Variants in ATCAY observed in about 807,000 individuals in gnomAD.
ATCAY encodes caytaxin.
A neutral mutation model predicts 47.7 loss-of-function variants in ATCAY; 22 were observed. The ratio of observed to expected loss-of-function variants is 0.46; its 90% CI spans 0.33 to 0.66. The LOEUF is 0.66. Among genes scored for constraint, ATCAY ranks in the 30% least tolerant of loss-of-function variants. The pLI, the probability that ATCAY is intolerant of heterozygous loss-of-function variation, is 0.02. For synonymous variants in ATCAY, 216 were observed against 207.6 expected, an observed-to-expected ratio of 1.04 and a Z score of -0.35; for missense variants, 452 against 515.0, an observed-to-expected ratio of 0.88 and a Z score of 1.18.
Position 3,905,615 on chromosome 19 carries a change from G to A in ATCAY, c.318G>A (p.Ser106=), listed in dbSNP as rs780287970. The change falls in exon 4 of 13, where the codon TCG becomes TCA. Residue 106 remains serine (S), a synonymous_variant. Transcript: ENST00000450849. ...DDIETPDETD[S]LEFLGNGNEL... ...TCGAGACCCCCGATGAGACCGACTC[G>A]CTGGAGTTCCTGGGGAATGGCAACG... is the stretch of plus-strand genomic sequence containing the variant. 1.7e-5 allele frequency: 28 copies of A among 1,613,480 alleles called. No individual in the cohort carries two copies. Among genetic ancestry groups the A allele is most frequent in the Middle Eastern group, 1.6e-4 (1 of 6,080 alleles).
chr19:3,886,977 C>T (rs953452277), intron 2 of ATCAY, among the ~76,000 whole-genome samples: 9 of 152,010 alleles, frequency 5.9e-5, no homozygotes, highest in African/African-American at 1.2e-4. Context: ...CCACCGCGCC[C>T]GGCCCCTACG....
intron 12 of ATCAY, among the ~76,000 whole-genome samples, chr19:3,923,957 T>C (rs1349604274): frequency 2.0e-5 from 2 of 99,090 alleles, no homozygotes; most frequent in Non-Finnish European, 4.1e-5. Flanking sequence ...GCTAGATGGA[T>C]GAGTGGGTGG....
rs971227382 is a variant in ATCAY, at chr19:3,908,175, C to T, written c.545-93C>T. ...TGGCTCGGAGCCATGCCCTCCCGAG[C>T]GTGTGGGCACCGGGACGTGGTGGGT... On this transcript the variant is annotated intron_variant, in intron 5 of 12. Coordinates refer to ENST00000450849, the MANE Select transcript of ATCAY (RefSeq NM_033064.5). 17 of 1,172,484 alleles carry T rather than the reference C, an allele frequency of 1.4e-5. No homozygotes were observed. In the African/African-American group the frequency reaches 2.0e-4, roughly 14 times the overall value. 72.6% of individuals were successfully genotyped at this position (1,172,484 alleles called of 1,614,324 possible).
chr19:3,918,737 T>C (rs375158194), intron 10 of ATCAY, 69 bp from the exon 11 acceptor site: 13 of 1,559,528 alleles, frequency 8.3e-6, no homozygotes, highest in Middle Eastern at 1.7e-4. Flanking sequence ...AGGCCAGTAC[T>C]AGCTGAGAGC....
At chr19:3,923,201 G>A (rs1300694782) in intron 12 of ATCAY, among the ~76,000 whole-genome samples, 1 of 152,042 alleles carries the variant, frequency 6.6e-6, no homozygotes, top group Non-Finnish European at 1.5e-5. Flanking sequence ...ATGTATTTCT[G>A]AAAAGACCAC....
At chr19:3,903,290 G>A (rs1337306245) in intron 3 of ATCAY, among the ~76,000 whole-genome samples, 2 of 151,700 alleles carry the variant, frequency 1.3e-5, no homozygotes, top group African/African-American at 4.8e-5. Flanking sequence ...TTCTTCAGCA[G>A]AGGAAAAAAA....
chr19:3,894,226 T>G (rs1223835404), intron 2 of ATCAY, among the ~76,000 whole-genome samples: 1 of 151,938 alleles, frequency 6.6e-6, no homozygotes, highest in African/African-American at 2.4e-5. Context: ...GGCTCACGTC[T>G]GTAATCCCAG....
chr19:3,897,288 A>AATCTAT (rs544266503), intron 2 of ATCAY, among the ~76,000 whole-genome samples: 3,893 of 143,600 alleles, frequency 0.027, 175 homozygotes, highest in African/African-American at 0.09. Flanking sequence ...TATATAGCAA[A>AATCTAT]ATCTATATCT....
At chr19:3,919,021 T>A in intron 11 of ATCAY, 144 bp downstream of exon 11, 1 of 981,878 alleles carries the variant, frequency 1.0e-6, no homozygotes, top group East Asian at 2.7e-5. Context: ...CTCACGCCTG[T>A]AATCCCAGCA....
At chr19:3,881,624 G>A (rs1265699339) in intron 1 of ATCAY, among the ~76,000 whole-genome samples, 2 of 142,674 alleles carry the variant, frequency 1.4e-5, no homozygotes, top group East Asian at 4.8e-4. Flanking sequence ...AGTGTCCGGG[G>A]CCCACTGAGG....
rs188504754 is a variant in ATCAY, at chr19:3,922,742, T to G, written c.1107-1841T>G. Among the ~76,000 whole-genome samples, 16 of 152,124 alleles carry G rather than the reference T, an allele frequency of 1.1e-4. No homozygotes were observed. In the East Asian group the frequency reaches 1.5e-3, roughly 15 times the overall value. On this transcript the variant is annotated intron_variant, in intron 12 of 12. Coordinates refer to ENST00000450849, the MANE Select transcript of ATCAY (RefSeq NM_033064.5). Reference sequence around the variant, plus strand: ...CACAGTTTTTTTGTTTTGTTTTGTTTTTGTTGTTGTTGTTGTTTTTGAGAT... The same window carrying G: ...CACAGTTTTTTTGTTTTGTTTTGTTGTTGTTGTTGTTGTTGTTTTTGAGAT...
At chr19:3,903,901 G>A (rs540961702) in intron 3 of ATCAY, among the ~76,000 whole-genome samples, 152 of 151,318 alleles carry the variant, frequency 1.0e-3, no homozygotes, top group Non-Finnish European at 1.7e-3. Context: ...CACTTTGGGA[G>A]GCCGAGGCGG....
chr19:3,915,769 G>A (rs2038961823), intron 9 of ATCAY, among the ~76,000 whole-genome samples: 1 of 143,688 alleles, frequency 7.0e-6, no homozygotes, highest in Non-Finnish European at 1.5e-5. Flanking sequence ...TGCCCAGGCT[G>A]GTCTCGAACT....
chr19:3,923,054 G>A (rs2039034060), intron 12 of ATCAY, among the ~76,000 whole-genome samples: 1 of 152,068 alleles, frequency 6.6e-6, no homozygotes, highest in Admixed American at 6.6e-5. Flanking sequence ...TGACCACACA[G>A]TTTTATACAA....
intron 12 of ATCAY, chr19:3,922,352 T>C: frequency 1.6e-6 from 1 of 623,728 alleles, no homozygotes; most frequent in Middle Eastern, 4.3e-4. Context: ...TTTATAATCC[T>C]GGCGGAAGCC....
At chr19:3,909,353 A>G in intron 6 of ATCAY, 133 bp from the exon 7 acceptor site, 1 of 1,002,122 alleles carries the variant, frequency 1.0e-6, no homozygotes, top group Non-Finnish European at 1.5e-6. Flanking sequence ...CCGCCAGGAC[A>G]GCAGACAACA....
chr19:3,897,823 G>T (rs971102625), intron 2 of ATCAY, among the ~76,000 whole-genome samples: 1 of 152,034 alleles, frequency 6.6e-6, no homozygotes, highest in African/African-American at 2.4e-5. Context: ...CACAAGAATC[G>T]CCTAAACCCG....
chr19:3,892,306 G>A (rs2038725203), intron 2 of ATCAY, among the ~76,000 whole-genome samples: 2 of 151,604 alleles, frequency 1.3e-5, no homozygotes, highest in African/African-American at 4.8e-5. Flanking sequence ...AGGCTGAGGC[G>A]ATCCTCCCAC....
chr19:3,885,075 C>T (rs2038636000), intron 1 of ATCAY, among the ~76,000 whole-genome samples: 1 of 146,456 alleles, frequency 6.8e-6, no homozygotes, highest in Non-Finnish European at 1.5e-5. Flanking sequence ...TGCACTCCAG[C>T]CCAGGCAACA....
Sources: gnomAD v4.1 joint callset for allele counts (sites outside exome capture counted in the v4.1 genomes callset) on GRCh38, gnomAD v4.1.1 for gene constraint, MANE v1.5 for transcripts, NCBI Gene and HGNC (gene_info 2026-07-23, HGNC 2026-07-21) for gene names.